The following GPC5 variants were observed in gnomAD, a reference collection of about 807,000 sequenced individuals.
The protein encoded by GPC5 is glypican 5.
Under a neutral mutation model 53.9 loss-of-function variants are expected in GPC5, and 47 were observed. That is an observed-to-expected ratio of 0.87 (90% CI 0.69 to 1.11). The LOEUF (loss-of-function observed/expected upper bound fraction) is 1.11, where lower values mean the gene tolerates loss of function less well. Among genes scored for constraint, GPC5 ranks in the 50% most tolerant of loss-of-function variants. The pLI, the probability that GPC5 is intolerant of heterozygous loss-of-function variation, is 0.00. For synonymous variants in GPC5, 286 were observed against 263.3 expected, an observed-to-expected ratio of 1.09 and a Z score of -0.84; for missense variants, 748 against 713.1, an observed-to-expected ratio of 1.05 and a Z score of -0.56.
chr13:92,638,316 A>C (rs1166405646), intron 7 of GPC5, among the ~76,000 whole-genome samples: 6 of 152,168 alleles, frequency 3.9e-5, no homozygotes, highest in Admixed American at 3.9e-4. Flanking sequence ...AATAAATAAA[A>C]TGAGGCAGAG....
At chr13:91,685,205 T>C (rs1442504260) in intron 2 of GPC5, among the ~76,000 whole-genome samples, 2 of 152,056 alleles carry the variant, frequency 1.3e-5, no homozygotes, top group Non-Finnish European at 2.9e-5. Context: ...CTTGGGAGGC[T>C]GAAGTGGGGG....
intron 7 of GPC5, among the ~76,000 whole-genome samples, chr13:92,321,608 C>A (rs961031444): frequency 2.8e-5 from 2 of 72,676 alleles, no homozygotes; most frequent in Non-Finnish European, 5.4e-5. Context: ...CTCAAACATA[C>A]ATACATACAT....
chr13:91,402,286 A>C lies in GPC5; in HGVS notation c.163+3077A>C, dbSNP rs189691075. Among the ~76,000 whole-genome samples, 39 of 152,340 alleles carry C rather than the reference A, an allele frequency of 2.6e-4. No homozygotes were observed. The East Asian group carries it at 7.5e-3, about 29-fold the overall frequency. On this transcript the variant is annotated intron_variant, in intron 1 of 7. Coordinates refer to ENST00000377067, the MANE Select transcript of GPC5 (RefSeq NM_004466.6). ...TGTGAAAGTAACTTTTCCTTGGTAG[A>C]TTTTGGCTATAAATAGAGTAATAAA...
At chr13:91,625,369 G>A (rs2033971777) in intron 2 of GPC5, among the ~76,000 whole-genome samples, 1 of 152,000 alleles carries the variant, frequency 6.6e-6, no homozygotes, top group Admixed American at 6.6e-5. Context: ...AATTAACACT[G>A]TTTTACAAAA....
intron 7 of GPC5, chr13:92,340,124 T>C (rs997765237): frequency 1.3e-5 from 2 of 152,142 alleles, no homozygotes; most frequent in Admixed American, 1.3e-4. Flanking sequence ...TGAGTAGAGA[T>C]GGAATTCTGG....
At chr13:92,193,223 T>A (rs935956827) in intron 7 of GPC5, among the ~76,000 whole-genome samples, 2 of 152,126 alleles carry the variant, frequency 1.3e-5, no homozygotes, top group African/African-American at 4.8e-5. Context: ...AGGTAGAAAT[T>A]TCAAGAATAT....
chr13:91,955,462 G>T (rs74106233), intron 6 of GPC5, among the ~76,000 whole-genome samples: 2,312 of 152,258 alleles, frequency 0.015, 52 homozygotes, highest in African/African-American at 0.052. Flanking sequence ...AAGAGAAAAT[G>T]CTGGAATAAA....
chr13:91,496,169 A>G (rs183469595), intron 2 of GPC5, among the ~76,000 whole-genome samples: 9 of 152,372 alleles, frequency 5.9e-5, no homozygotes, highest in Admixed American at 5.2e-4. Flanking sequence ...AATACAAATA[A>G]AAGCTTAAAA....
chr13:91,692,394 G>A (rs548326064), intron 2 of GPC5, among the ~76,000 whole-genome samples: 14 of 152,230 alleles, frequency 9.2e-5, no homozygotes, highest in African/African-American at 3.4e-4. Flanking sequence ...TTTCCTTTGG[G>A]AATCTAACCT....
chr13:92,620,623 A>G (rs2139114057), intron 7 of GPC5, among the ~76,000 whole-genome samples: 1 of 152,328 alleles, frequency 6.6e-6, no homozygotes, highest in African/African-American at 2.4e-5. Context: ...TGACAAAGCA[A>G]AGCAGCTGAA....
intron 7 of GPC5, among the ~76,000 whole-genome samples, chr13:92,630,994 A>T (rs554346358): frequency 6.6e-5 from 10 of 152,200 alleles, no homozygotes; most frequent in Admixed American, 6.5e-4. Flanking sequence ...TAAAATTACC[A>T]TTTCTTCTTG....
At chr13:92,469,349 A>G (rs1187966745) in intron 7 of GPC5, among the ~76,000 whole-genome samples, 1 of 152,058 alleles carries the variant, frequency 6.6e-6, no homozygotes, top group East Asian at 1.9e-4. Context: ...CTAAATTTCT[A>G]TACCATTTTT....
chr13:92,552,134 C>T (rs764689070), intron 7 of GPC5, among the ~76,000 whole-genome samples: 1 of 151,758 alleles, frequency 6.6e-6, no homozygotes, highest in Non-Finnish European at 1.5e-5. Context: ...ACAAAACCAT[C>T]GTGGAAATAC....
chr13:91,635,800 A>C (rs1019824234), intron 2 of GPC5, among the ~76,000 whole-genome samples: 1 of 152,026 alleles, frequency 6.6e-6, no homozygotes, highest in Admixed American at 6.6e-5. Context: ...TTAGAATTAT[A>C]TTGTCAGTTT....
intron 5 of GPC5, among the ~76,000 whole-genome samples, chr13:91,824,209 T>C (rs1314651842): frequency 6.6e-6 from 1 of 152,062 alleles, no homozygotes; most frequent in Non-Finnish European, 1.5e-5. Flanking sequence ...ATCATAAAAC[T>C]AAATTTTGAA....
chr13:92,674,670 C>T (rs1461401973), intron 7 of GPC5, among the ~76,000 whole-genome samples: 3 of 152,094 alleles, frequency 2.0e-5, no homozygotes, highest in East Asian at 1.9e-4. Flanking sequence ...TCTAGAAGGG[C>T]TTCATGTCCT....
chr13:92,142,798 G>A (rs2041840971), intron 6 of GPC5, among the ~76,000 whole-genome samples: 2 of 152,162 alleles, frequency 1.3e-5, no homozygotes, highest in Non-Finnish European at 2.9e-5. Flanking sequence ...GAAGTAAAGG[G>A]AAAATAAAGT....
At chr13:92,442,515 TTAGA>T in intron 7 of GPC5, among the ~76,000 whole-genome samples, 1 of 109,098 alleles carries the variant, frequency 9.2e-6, no homozygotes, top group East Asian at 6.8e-4. Context: ...TCAATTATTT[TTAGA>T]CATTATTTTT....
chr13:91,871,275 T>A (rs2039140990), intron 5 of GPC5, among the ~76,000 whole-genome samples: 1 of 152,132 alleles, frequency 6.6e-6, no homozygotes, highest in Non-Finnish European at 1.5e-5. Context: ...AAATACCACA[T>A]GTTCTCACTT....
Sources: allele counts gnomAD v4.1 joint callset (sites outside exome capture counted in the v4.1 genomes callset), GRCh38; gene constraint gnomAD v4.1.1; transcripts MANE v1.5; gene names NCBI Gene and HGNC (gene_info 2026-07-23, HGNC 2026-07-21).